Variants in IGF2BP1 observed in about 807,000 individuals in gnomAD.
IGF2BP1 encodes the protein insulin like growth factor 2 mRNA binding protein 1, also known as insulin-like growth factor 2 mRNA-binding protein 1.
In IGF2BP1, 11 loss-of-function variants were observed where a neutral mutation model predicts 74.9. The ratio of observed to expected loss-of-function variants is 0.15; its 90% CI spans 0.09 to 0.24. The LOEUF is 0.24. Among genes scored for constraint, IGF2BP1 ranks in the 10% least tolerant of loss-of-function variants. IGF2BP1 has a pLI of 1.00. For synonymous variants in IGF2BP1, 287 were observed against 281.8 expected (o/e 1.02, Z -0.18); for missense variants, 440 against 757.4 (o/e 0.58, Z 4.92).
At chr17:48,999,923 G>GGT (rs371605973) in intron 2 of IGF2BP1, among the ~76,000 whole-genome samples, 24,325 of 133,902 alleles carry the variant, frequency 0.18, 2,294 homozygotes, top group African/African-American at 0.24. Flanking sequence ...GTGGATGAAT[G>GGT]GTGTGTGTGT....
Position 49,049,695 on chromosome 17 carries a change from A to C in IGF2BP1, c.*251A>C, listed in dbSNP as rs2042147489. On this transcript the variant is annotated 3_prime_UTR_variant, in exon 15 of 15. Coordinates refer to ENST00000290341, the MANE Select transcript of IGF2BP1 (RefSeq NM_006546.4). ...GAAATTCTAGCGCAAGGCACTTTTA[A>C]ACGTGGATTGTTTAAAGAAGCTCTC... 2.2e-6 allele frequency: 1 copy of C among 449,106 alleles called. No homozygotes were observed. The highest frequency in any genetic ancestry group is 3.7e-5 in the Admixed American group (1 of 27,106). The allele number at this position is 449,106 out of a possible 1,614,324, so 27.8% of individuals were successfully genotyped here. A position where few individuals can be genotyped will look rare whatever the true frequency, so the allele number is the denominator to read the frequency against.
At chr17:49,028,554 G>GC (rs570308783) in intron 4 of IGF2BP1, among the ~76,000 whole-genome samples, 7 of 152,182 alleles carry the variant, frequency 4.6e-5, no homozygotes, top group Non-Finnish European at 8.8e-5. Flanking sequence ...GTAAGATTGA[G>GC]CAGTGGCTTG....
chr17:49,024,039 C>T (rs968542676), intron 2 of IGF2BP1, among the ~76,000 whole-genome samples: 2 of 150,346 alleles, frequency 1.3e-5, no homozygotes, highest in African/African-American at 4.9e-5. Context: ...GCCTCAGCCT[C>T]CTGAGTAGCT....
At chr17:49,016,757 C>T (rs903226104) in intron 2 of IGF2BP1, among the ~76,000 whole-genome samples, 2 of 151,456 alleles carry the variant, frequency 1.3e-5, no homozygotes, top group Non-Finnish European at 2.9e-5. Context: ...CTGGCCCCTA[C>T]CCCTGCCAGC....
chr17:49,039,406 A>G lies in IGF2BP1; in HGVS notation c.684-551A>G, dbSNP rs371309994. Among the ~76,000 whole-genome samples the G allele has an allele frequency of 2.6e-5, 4 of 152,140 alleles. 2 individuals are homozygous for G. The highest frequency in any genetic ancestry group is 9.6e-5 in the African/African-American group (4 of 41,496). ...GTCATAGGCTGTGTTCTTGTCCCCA[A>G]CCACTGCTTGCTTATTTATTTATTT... On this transcript the variant is annotated intron_variant, in intron 6 of 14. Transcript: ENST00000290341.
intron 4 of IGF2BP1, among the ~76,000 whole-genome samples, chr17:49,030,590 C>T (rs904380725): frequency 1.3e-5 from 2 of 151,894 alleles, no homozygotes; most frequent in African/African-American, 2.4e-5. Flanking sequence ...TTGCTAATCT[C>T]ATTCAGCGTG....
chr17:49,012,355 C>G (rs12939375), intron 2 of IGF2BP1: 83,599 of 152,082 alleles, frequency 0.55, 24,428 homozygotes, highest in African/African-American at 0.74. Flanking sequence ...TTAGAACTTA[C>G]GTGTCAGCCT....
chr17:49,026,987 C>T (rs181149685), intron 4 of IGF2BP1, among the ~76,000 whole-genome samples: 102 of 152,316 alleles, frequency 6.7e-4, no homozygotes, highest in African/African-American at 2.3e-3. Flanking sequence ...GTGACCCACC[C>T]GCCTCAGCCT....
At chr17:49,001,797 T>A (rs2041491072) in intron 2 of IGF2BP1, among the ~76,000 whole-genome samples, 1 of 152,152 alleles carries the variant, frequency 6.6e-6, no homozygotes, top group Non-Finnish European at 1.5e-5. Context: ...AAAACAGTTG[T>A]GGAAAGGGCT....
rs990984804 is a variant in IGF2BP1, at chr17:49,052,212, G to A, written c.*2768G>A. 6.6e-6 allele frequency: 1 copy of A among 152,082 alleles called. No individual in the cohort carries two copies. Among genetic ancestry groups the A allele is most frequent in the East Asian group, 1.9e-4 (1 of 5,204 alleles). 9.4% of individuals were successfully genotyped at this position (152,082 alleles called of 1,614,324 possible). A position where few individuals can be genotyped will look rare whatever the true frequency, so the allele number is the denominator to read the frequency against. ...CTCCACCTGTCCCAACCATAAAAAGGGTCTCCCAGCTTTCCATCTCTGGCT... is the reference window on the plus strand; with the variant it reads ...CTCCACCTGTCCCAACCATAAAAAGAGTCTCCCAGCTTTCCATCTCTGGCT... On this transcript the variant is annotated 3_prime_UTR_variant, in exon 15 of 15. Transcript: ENST00000290341.
chr17:48,998,043 AC>A, intron 1 of IGF2BP1, 123 bp downstream of exon 1: 2 of 1,085,292 alleles, frequency 1.8e-6, no homozygotes, highest in Non-Finnish European at 2.6e-6. Context: ...TGGCCTCCGT[AC>A]CCACCCTCGA....
In IGF2BP1 at chr17:49,026,647, G is replaced by GCCTGCCTT. The variant is rs1189640851; in HGVS notation, c.337+150_337+157dup. 83 of 492,452 alleles carry GCCTGCCTT rather than the reference G, an allele frequency of 1.7e-4. 1 individual carries two copies. The highest frequency in any genetic ancestry group is 6.0e-4 in the African/African-American group (20 of 33,208). 30.5% of individuals were successfully genotyped at this position (492,452 alleles called of 1,614,324 possible). On this transcript the variant is annotated intron_variant, in intron 4 of 14. Transcript: ENST00000290341. ...TTCCTTCCTTCCTGCCTTCCTTCCTGCCTGCCTTCCTGCCTTCCTGCCTTC... is the reference window on the plus strand; with the variant it reads ...TTCCTTCCTTCCTGCCTTCCTTCCTGCCTGCCTTCCTGCCTTCCTGCCTTCCTGCCTTC...
In IGF2BP1 at chr17:49,054,600, CCT is replaced by C. The variant is rs530540720; in HGVS notation, c.*5162_*5163del. 2.6e-5 allele frequency: 4 copies of C among 152,336 alleles called. No individual in the cohort carries two copies. The highest frequency in any genetic ancestry group is 5.9e-5 in the Non-Finnish European group (4 of 68,180). 9.4% of individuals were successfully genotyped at this position (152,336 alleles called of 1,614,324 possible). On this transcript the variant is annotated 3_prime_UTR_variant, in exon 15 of 15. Coordinates refer to ENST00000290341, the MANE Select transcript of IGF2BP1 (RefSeq NM_006546.4). Reference sequence around the variant, plus strand: ...TCACCCCTTTGGCCTCCAGCTTGTCCCTCTCTCACTTTCTATAGCTTTGTTGG... The same window carrying C: ...TCACCCCTTTGGCCTCCAGCTTGTCCCTCTCACTTTCTATAGCTTTGTTGG...
At chr17:49,042,199 C>T in intron 8 of IGF2BP1, 43 bp from the exon 9 acceptor site, 1 of 1,613,554 alleles carries the variant, frequency 6.2e-7, no homozygotes, top group Non-Finnish European at 8.5e-7. Context: ...GGGCCTGGTC[C>T]TGGCCTGCCA....
chr17:49,006,875 AC>A (rs747313127), intron 2 of IGF2BP1, among the ~76,000 whole-genome samples: 19 of 152,198 alleles, frequency 1.2e-4, no homozygotes, highest in Non-Finnish European at 2.4e-4. Context: ...ATTCTCTGAG[AC>A]AGAGGCTTGG....
intron 2 of IGF2BP1, among the ~76,000 whole-genome samples, chr17:49,020,154 A>C (rs1030096338): frequency 2.6e-5 from 4 of 151,448 alleles, no homozygotes; most frequent in African/African-American, 7.3e-5. Flanking sequence ...GGGTTCAAGC[A>C]ATTCTCATGC....
At chr17:49,035,075 C>T (rs1303595890) in intron 5 of IGF2BP1, among the ~76,000 whole-genome samples, 1 of 152,188 alleles carries the variant, frequency 6.6e-6, no homozygotes, top group African/African-American at 2.4e-5. Context: ...GTACCGGCTT[C>T]AGGATAAACA....
chr17:49,009,020 A>T (rs1355873029), intron 2 of IGF2BP1, among the ~76,000 whole-genome samples: 1 of 151,918 alleles, frequency 6.6e-6, no homozygotes, highest in Non-Finnish European at 1.5e-5. Flanking sequence ...AAGGAAATAC[A>T]ATTTTTTTTT....
At chr17:49,022,990 G>A (rs893096514) in intron 2 of IGF2BP1, among the ~76,000 whole-genome samples, 1 of 152,244 alleles carries the variant, frequency 6.6e-6, no homozygotes, top group African/African-American at 2.4e-5. Flanking sequence ...CCTGTTATAG[G>A]TGTTAAACTA....
Sources: gnomAD v4.1 joint callset for allele counts (sites outside exome capture counted in the v4.1 genomes callset) on GRCh38, gnomAD v4.1.1 for gene constraint, MANE v1.5 for transcripts, NCBI Gene and HGNC (gene_info 2026-07-23, HGNC 2026-07-21) for gene names.